The following KCNB2 variants were observed in gnomAD, a reference collection of about 807,000 sequenced individuals.
The protein encoded by KCNB2 is potassium voltage-gated channel subfamily B member 2.
In KCNB2, 15 loss-of-function variants were observed where a neutral mutation model predicts 61.5. That is an observed-to-expected ratio of 0.24 (90% CI 0.16 to 0.38). KCNB2 has a LOEUF of 0.38. Ranked by LOEUF, KCNB2 falls within the 10% of genes least tolerant of loss-of-function variation. KCNB2 has a pLI of 1.00. For synonymous variants in KCNB2, 457 were observed against 446.0 expected (o/e 1.02, Z -0.31); for missense variants, 828 against 1,125.2 (o/e 0.74, Z 3.78).
chr8:72,845,473 G>A (rs1809972170), intron 2 of KCNB2, among the ~76,000 whole-genome samples: 2 of 152,234 alleles, frequency 1.3e-5, no homozygotes, highest in African/African-American at 4.8e-5. Context: ...ACTGTGCTGG[G>A]ACATCCACTG....
At chr8:72,587,457 C>G (rs898116271) in intron 2 of KCNB2, among the ~76,000 whole-genome samples, 10 of 152,208 alleles carry the variant, frequency 6.6e-5, no homozygotes, top group Non-Finnish European at 1.5e-4. Context: ...GCTGCAGTGG[C>G]TCACACCTTT....
At chr8:72,813,034 A>T (rs1441920414) in intron 2 of KCNB2, among the ~76,000 whole-genome samples, 1 of 152,178 alleles carries the variant, frequency 6.6e-6, no homozygotes, top group East Asian at 1.9e-4. Flanking sequence ...CAAACACTGT[A>T]CTTGGTTGCT....
At chr8:72,623,949 G>A (rs1308317159) in intron 2 of KCNB2, among the ~76,000 whole-genome samples, 2 of 152,002 alleles carry the variant, frequency 1.3e-5, no homozygotes, top group African/African-American at 4.8e-5. Flanking sequence ...TTTCTTTCAT[G>A]TCCCCCCAGA....
At chr8:72,598,121 G>A (rs113518883) in intron 2 of KCNB2, among the ~76,000 whole-genome samples, 1,648 of 138,404 alleles carry the variant, frequency 0.012, 20 homozygotes, top group African/African-American at 0.041. Flanking sequence ...AATGTGGTAT[G>A]TCAAAGCCTG....
intron 2 of KCNB2, among the ~76,000 whole-genome samples, chr8:72,723,968 T>C (rs1807592380): frequency 6.6e-6 from 1 of 152,194 alleles, no homozygotes; most frequent in Admixed American, 6.5e-5. Context: ...TTTGGGCAGA[T>C]TATGAGTAAC....
chr8:72,767,893 T>A (rs1428723560), intron 2 of KCNB2, among the ~76,000 whole-genome samples: 1 of 152,088 alleles, frequency 6.6e-6, no homozygotes, highest in Non-Finnish European at 1.5e-5. Context: ...TATTTGTCTT[T>A]TTTATTATAG....
intron 2 of KCNB2, among the ~76,000 whole-genome samples, chr8:72,913,905 A>G (rs183805679): frequency 2.0e-4 from 31 of 152,324 alleles, no homozygotes; most frequent in Middle Eastern, 3.4e-3. Flanking sequence ...TACTTTGAAT[A>G]TTGTACTTTC....
At chr8:72,856,460 A>T (rs1432051487) in intron 2 of KCNB2, among the ~76,000 whole-genome samples, 1 of 152,136 alleles carries the variant, frequency 6.6e-6, no homozygotes, top group African/African-American at 2.4e-5. Flanking sequence ...AAAACCTGAA[A>T]CTAAATTGAA....
Position 72,567,710 on chromosome 8 carries a change from G to C in KCNB2, c.-25G>C, listed in dbSNP as rs201897595. 1,123 of 1,485,614 alleles carry C rather than the reference G, an allele frequency of 7.6e-4. 1 individual carries two copies. Among genetic ancestry groups the C allele is most frequent in the Non-Finnish European group, 8.8e-4 (978 of 1,109,622 alleles). 92.0% of individuals were successfully genotyped at this position (1,485,614 alleles called of 1,614,324 possible). A position where few individuals can be genotyped will look rare whatever the true frequency, so the allele number is the denominator to read the frequency against. ...TTGACCTCATTTTTTAAGGACCCTGGCTCTGCGGCTTTGTCCAGTTCAAAA... is the reference window on the plus strand; with the variant it reads ...TTGACCTCATTTTTTAAGGACCCTGCCTCTGCGGCTTTGTCCAGTTCAAAA... On this transcript the variant is annotated 5_prime_UTR_variant, in exon 2 of 3. Transcript: ENST00000523207.
At chr8:72,821,659 A>AAAAAAAAAAAAAC (rs1554535735) in intron 2 of KCNB2, among the ~76,000 whole-genome samples, 12 of 117,066 alleles carry the variant, frequency 1.0e-4, no homozygotes, top group Admixed American at 2.0e-4. Flanking sequence ...AAAAAAAAAA[A>AAAAAAAAAAAAAC]ACACACACAC....
intron 2 of KCNB2, among the ~76,000 whole-genome samples, chr8:72,715,364 T>C (rs1282198777): frequency 6.6e-6 from 1 of 152,206 alleles, no homozygotes; most frequent in African/African-American, 2.4e-5. Context: ...CTACATTCTT[T>C]TCAGCACCAC....
intron 1 of KCNB2, among the ~76,000 whole-genome samples, chr8:72,559,639 C>T (rs749614834): frequency 6.6e-6 from 1 of 152,224 alleles, no homozygotes; most frequent in Non-Finnish European, 1.5e-5. Flanking sequence ...AAGTGCACCT[C>T]TCTTTGCAAG....
chr8:72,612,777 T>C (rs1431157573), intron 2 of KCNB2, among the ~76,000 whole-genome samples: 1 of 152,194 alleles, frequency 6.6e-6, no homozygotes, highest in African/African-American at 2.4e-5. Context: ...TTTTGGTCCT[T>C]AGAACTTCTA....
chr8:72,721,682 A>G (rs1807552317), intron 2 of KCNB2, among the ~76,000 whole-genome samples: 1 of 152,136 alleles, frequency 6.6e-6, no homozygotes, highest in Non-Finnish European at 1.5e-5. Context: ...ACCCTGCACC[A>G]TCATTCTCAT....
Position 72,644,313 on chromosome 8 carries a change from T to C in KCNB2, c.579+76000T>C, listed in dbSNP as rs1206845703. 2.6e-5 allele frequency among the ~76,000 whole-genome samples: 4 copies of C among 152,176 alleles called. No homozygotes were observed. The East Asian group carries it at 7.7e-4, about 29-fold the overall frequency. ...GTAGCATTTTTGTTTTGCTTTGCCCTGAATTGTGCTGCTGAGTGATATTAG... is the reference window on the plus strand; with the variant it reads ...GTAGCATTTTTGTTTTGCTTTGCCCCGAATTGTGCTGCTGAGTGATATTAG... On this transcript the variant is annotated intron_variant, in intron 2 of 2. Transcript: ENST00000523207.
intron 2 of KCNB2, among the ~76,000 whole-genome samples, chr8:72,899,804 A>G (rs780104753): frequency 7.2e-5 from 11 of 152,202 alleles, no homozygotes; most frequent in Non-Finnish European, 1.5e-4. Flanking sequence ...TATAGATTCA[A>G]TGATATTCCT....
intron 2 of KCNB2, among the ~76,000 whole-genome samples, chr8:72,762,508 C>T (rs1808397315): frequency 6.6e-6 from 1 of 152,176 alleles, no homozygotes; most frequent in Non-Finnish European, 1.5e-5. Context: ...TCCTGTACTG[C>T]TTGGCACAGT....
At chr8:72,709,726 G>A (rs1807294031) in intron 2 of KCNB2, among the ~76,000 whole-genome samples, 1 of 151,962 alleles carries the variant, frequency 6.6e-6, no homozygotes, top group South Asian at 2.1e-4. Context: ...CTGCAGCCCT[G>A]GGGATTACAT....
chr8:72,920,014 G>A (rs1806478006), intron 2 of KCNB2, among the ~76,000 whole-genome samples: 1 of 152,038 alleles, frequency 6.6e-6, no homozygotes, highest in Non-Finnish European at 1.5e-5. Context: ...CTCGTAGCCA[G>A]ATGAGCAATA....
Sources: gnomAD v4.1 joint callset for allele counts (sites outside exome capture counted in the v4.1 genomes callset) on GRCh38, gnomAD v4.1.1 for gene constraint, MANE v1.5 for transcripts, NCBI Gene and HGNC (gene_info 2026-07-23, HGNC 2026-07-21) for gene names.